STARD5: variants seen among roughly 807,000 people sequenced by gnomAD.
The protein encoded by STARD5 is StAR related lipid transfer domain containing 5.
A neutral mutation model predicts 24.6 loss-of-function variants in STARD5; 26 were observed. That is an observed-to-expected ratio of 1.06 (90% confidence interval 0.77 to 1.47). The LOEUF (loss-of-function observed/expected upper bound fraction) is 1.47. Ranked by LOEUF, STARD5 falls within the 40% of genes most tolerant of loss-of-function variation. The probability of loss-of-function intolerance (pLI) is 0.00; values close to 1 mark genes in which losing one functional copy is unlikely to be tolerated. For missense variants in STARD5, 254 were observed against 270.8 expected, an observed-to-expected ratio of 0.94 and a Z score of 0.44; for synonymous variants, 101 against 99.7, an observed-to-expected ratio of 1.01 and a Z score of -0.07.
In STARD5 at chr15:81,323,703, T is replaced by C. The variant is rs970462494; in HGVS notation, c.99+298A>G. ...CTGCTTACCCCTTAAATGCAATTTA[T>C]TTACTTTTACCACTGTCACAGAAAC... is the stretch of plus-strand genomic sequence containing the variant. On this transcript the variant is annotated intron_variant, in intron 1 of 5. Transcript: ENST00000302824. The C allele has an allele frequency of 4.3e-5, 38 of 886,258 alleles. No individual in the cohort carries two copies. In the African/African-American group the frequency reaches 5.8e-4, roughly 14 times the overall value. 54.9% of individuals were successfully genotyped at this position (886,258 alleles called of 1,614,324 possible).
Position 81,319,376 on chromosome 15 carries a change from T to A in STARD5, c.363A>T (p.Leu121=). 1.2e-6 allele frequency: 2 copies of A among 1,614,212 alleles called. No homozygotes were observed. The highest frequency in any genetic ancestry group is 1.7e-6 in the Non-Finnish European group (2 of 1,180,028). ...TGGTCCCATCCTCATATCTCTTGAC[T>A]AGCACCAAGTCCACAAAATCTCTGG... is the stretch of plus-strand genomic sequence containing the variant. ...ISPRDFVDLV[L]VKRYEDGTIS... The change falls in exon 4 of 6, where the codon CTA becomes CTT. Residue 121 remains leucine (L), a synonymous_variant. Coordinates refer to ENST00000302824, the MANE Select transcript of STARD5 (RefSeq NM_181900.3).
At chr15:81,323,099 G>C in intron 1 of STARD5, 151 bp from the exon 2 acceptor site, 1 of 751,962 alleles carries the variant, frequency 1.3e-6, no homozygotes. Flanking sequence ...GCTGGGACTA[G>C]TCTTGGGCAA....
At chr15:81,315,437 C>T (rs929133852) in intron 5 of STARD5, among the ~76,000 whole-genome samples, 4 of 152,030 alleles carry the variant, frequency 2.6e-5, no homozygotes, top group Non-Finnish European at 5.9e-5. Context: ...CAAAAGGGGG[C>T]ACAGAGGAAT....
At chr15:81,323,701 T>A in intron 1 of STARD5, 2 of 893,332 alleles carry the variant, frequency 2.2e-6, no homozygotes, top group East Asian at 2.5e-5. Context: ...AAATGCAATT[T>A]ATTTACTTTT....
At chr15:81,323,870 A>G in intron 1 of STARD5, 131 bp downstream of exon 1, 1 of 907,148 alleles carries the variant, frequency 1.1e-6, no homozygotes, top group Non-Finnish European at 1.7e-6. Flanking sequence ...CCCCATTGGA[A>G]TCCCTCTCAA....
chr15:81,319,611 G>C (rs1333212884), intron 3 of STARD5, among the ~76,000 whole-genome samples, 155 bp from the exon 4 acceptor site: 1 of 152,162 alleles, frequency 6.6e-6, no homozygotes, highest in Non-Finnish European at 1.5e-5. Flanking sequence ...CCAGGAACTG[G>C]GTGTCATGGA....
intron 2 of STARD5, 55 bp from the exon 3 acceptor site, chr15:81,322,595 A>G: frequency 6.2e-7 from 1 of 1,612,348 alleles, no homozygotes; most frequent in Non-Finnish European, 8.5e-7. Flanking sequence ...TGTTATCTTG[A>G]GATTGTATCT....
At position 81,322,896 on chromosome 15, in the gene STARD5, T is replaced by TA. The variant is rs771327592; in HGVS notation, c.149+2dup. On this transcript the variant is annotated splice_region_variant and intron_variant, in intron 2 of 5. Coordinates refer to ENST00000302824, the MANE Select transcript of STARD5 (RefSeq NM_181900.3). ...GTAATCTTTGAACGAGGCATGCACTTACAGGTTCCCTGGAAACTCCACAGA... is the reference window on the plus strand; with the variant it reads ...GTAATCTTTGAACGAGGCATGCACTTAACAGGTTCCCTGGAAACTCCACAGA... 3 of 1,614,194 alleles carry TA rather than the reference T, an allele frequency of 1.9e-6. No individual in the cohort carries two copies. Among genetic ancestry groups the TA allele is most frequent in the Non-Finnish European group, 8.5e-7 (1 of 1,180,038 alleles).
At chr15:81,317,149 A>G (rs531987929) in intron 5 of STARD5, among the ~76,000 whole-genome samples, 12 of 148,044 alleles carry the variant, frequency 8.1e-5, no homozygotes, top group African/African-American at 2.3e-4. Context: ...GTGAGCCAAG[A>G]TTGCACCACT....
chr15:81,312,886 G>A lies in STARD5; in HGVS notation c.*370C>T, dbSNP rs117112941. 2.8e-3 allele frequency: 435 copies of A among 157,472 alleles called. 3 individuals are homozygous for A. Among genetic ancestry groups the A allele is most frequent in the Non-Finnish European group, 4.4e-3 (314 of 71,244 alleles). The allele number at this position is 157,472 out of a possible 1,614,324, so 9.8% of individuals were successfully genotyped here. A position where few individuals can be genotyped will look rare whatever the true frequency, so the allele number is the denominator to read the frequency against. ...GATGATGATTCTCTATGACAGTCAG[G>A]GAAACGTGGTCTCTGAGAGTGATGG... is the stretch of plus-strand genomic sequence containing the variant. On this transcript the variant is annotated 3_prime_UTR_variant, in exon 6 of 6. Transcript: ENST00000302824.
intron 3 of STARD5, 145 bp downstream of exon 3, chr15:81,322,263 A>G: frequency 9.2e-7 from 1 of 1,090,796 alleles, no homozygotes; most frequent in Non-Finnish European, 1.3e-6. Flanking sequence ...CAGGCCTCCA[A>G]TGCTGCAAGC....
Position 81,319,432 on chromosome 15 carries a change from T to G in STARD5, c.307A>C (p.Thr103Pro), listed in dbSNP as rs1596071526. Residue 103 changes from threonine (T) to proline (P), a missense_variant, in exon 4 of 6, where the codon ACT becomes CCT. Physicochemically the swap from Thr to Pro is conservative, Grantham distance 38. Transcript: ENST00000302824. Reference sequence around the variant, plus strand: ...ATGAGCTTCATGGCAGCGGAGGGAGTGGAGGTTCTGCTTACACACAGGGTC... The same window carrying G: ...ATGAGCTTCATGGCAGCGGAGGGAGGGGAGGTTCTGCTTACACACAGGGTC... ...TDTLCVSRTS[T>P]PSAAMKLISP... 6.2e-7 allele frequency: 1 copy of G among 1,613,316 alleles called. No individual in the cohort carries two copies. Among genetic ancestry groups the G allele is most frequent in the African/African-American group, 1.3e-5 (1 of 74,562 alleles).
At chr15:81,318,329 T>C (rs921065101) in intron 5 of STARD5, 80 bp downstream of exon 5, 6 of 1,159,834 alleles carry the variant, frequency 5.2e-6, no homozygotes, top group African/African-American at 4.6e-5. Flanking sequence ...GTAGTCAAAG[T>C]GCCCCTTTTC....
Position 81,320,997 on chromosome 15 carries a change from T to A in STARD5, c.282+1411A>T, listed in dbSNP as rs565124952. On this transcript the variant is annotated intron_variant, in intron 3 of 5. Coordinates refer to ENST00000302824, the MANE Select transcript of STARD5 (RefSeq NM_181900.3). The stretch of plus-strand genomic sequence containing the variant: ...GTTGCCAAAAGCATGCTGAGAAATG[T>A]CAGTCTGCAAGGAAGAGCCCTTTCT... Among the ~76,000 whole-genome samples, 6 of 152,330 alleles carry A rather than the reference T, an allele frequency of 3.9e-5. No individual in the cohort carries two copies. The South Asian group carries it at 1.0e-3, about 26-fold the overall frequency.
At chr15:81,322,781 TG>T in intron 2 of STARD5, 117 bp downstream of exon 2, 1 of 1,415,824 alleles carries the variant, frequency 7.1e-7, no homozygotes, top group Non-Finnish European at 9.9e-7. Flanking sequence ...AAGGCTTTTC[TG>T]GAGGACAAGT....
chr15:81,316,075 C>T (rs1362978186), intron 5 of STARD5, among the ~76,000 whole-genome samples: 4 of 152,194 alleles, frequency 2.6e-5, no homozygotes, highest in Non-Finnish European at 4.4e-5. Flanking sequence ...TCAAAGGCCC[C>T]GCTCTTGCTC....
Position 81,313,222 on chromosome 15 carries a change from C to A in STARD5, c.*34G>T. On this transcript the variant is annotated 3_prime_UTR_variant, in exon 6 of 6. Transcript: ENST00000302824. ...CAACAGCTGGAGCTCCTCGATGAGT[C>A]ACGGGAGTTCTTTGCCAAGAAGTAA... 2 of 1,504,804 alleles carry A rather than the reference C, an allele frequency of 1.3e-6. No individual in the cohort carries two copies. Among genetic ancestry groups the A allele is most frequent in the South Asian group, 2.7e-5 (2 of 74,522 alleles). The allele number at this position is 1,504,804 out of a possible 1,614,324, so 93.2% of individuals were successfully genotyped here.
At chr15:81,318,324 C>CA (rs1901124367) in intron 5 of STARD5, 85 bp downstream of exon 5, 2 of 1,137,106 alleles carry the variant, frequency 1.8e-6, no homozygotes, top group African/African-American at 3.1e-5. Flanking sequence ...GAATCGTAGT[C>CA]AAAGTGCCCC....
At chr15:81,321,593 A>G (rs1380282750) in intron 3 of STARD5, among the ~76,000 whole-genome samples, 3 of 139,580 alleles carry the variant, frequency 2.1e-5, no homozygotes, top group African/African-American at 8.6e-5. Flanking sequence ...CTAGCGACAG[A>G]GTGAGATTCC....
Sources: gnomAD v4.1 joint callset for allele counts (sites outside exome capture counted in the v4.1 genomes callset) on GRCh38, gnomAD v4.1.1 for gene constraint, MANE v1.5 for transcripts, NCBI Gene and HGNC (gene_info 2026-07-23, HGNC 2026-07-21) for gene names.